Variants in MYO1E observed in about 807,000 individuals in gnomAD.
MYO1E encodes unconventional myosin-Ie.
MYO1E carries 68 observed loss-of-function variants against 151.1 expected under a neutral mutation model. The observed-to-expected ratio is 0.45, with a 90% CI of 0.37 to 0.55. MYO1E has a LOEUF of 0.55. Ranked by LOEUF, MYO1E falls within the 20% of genes least tolerant of loss-of-function variation. The probability of loss-of-function intolerance (pLI) is 0.00; values close to 1 mark genes in which losing one functional copy is unlikely to be tolerated. For synonymous variants in MYO1E, 601 were observed against 501.7 expected (o/e 1.20, Z -2.64); for missense variants, 1,363 against 1,389.3 (o/e 0.98, Z 0.30).
At chr15:59,240,897 C>G (rs1399224092) in intron 4 of MYO1E, among the ~76,000 whole-genome samples, 1 of 152,232 alleles carries the variant, frequency 6.6e-6, no homozygotes, top group African/African-American at 2.4e-5. Flanking sequence ...GTGTGTTAAG[C>G]CGAAGGCCAG....
rs868655839 is a variant in MYO1E, at chr15:59,138,411, G to A, written c.3081-44C>T. On this transcript the variant is annotated intron_variant, in intron 26 of 27. Coordinates refer to ENST00000288235, the MANE Select transcript of MYO1E (RefSeq NM_004998.4). ...AGATGAGACTGGGCCCCAACAGGGG[G>A]CAGCAGCACCGAACGGTGGTTTGGA... is the stretch of plus-strand genomic sequence containing the variant. 39 of 1,606,758 alleles carry A rather than the reference G, an allele frequency of 2.4e-5. 2 individuals carry two copies. The Middle Eastern group carries it at 3.8e-3, about 155-fold the overall frequency.
At chr15:59,219,015 C>A (rs1283479293) in intron 9 of MYO1E, among the ~76,000 whole-genome samples, 1 of 151,986 alleles carries the variant, frequency 6.6e-6, no homozygotes, top group Non-Finnish European at 1.5e-5. Context: ...CAAAAGGGGG[C>A]CTGATGGCTA....
At chr15:59,164,114 G>T (rs1472141140) in intron 22 of MYO1E, among the ~76,000 whole-genome samples, 2 of 152,228 alleles carry the variant, frequency 1.3e-5, no homozygotes, top group African/African-American at 4.8e-5. Flanking sequence ...AACGCTTGCT[G>T]GTCAGGGGAG....
chr15:59,144,194 TCTCA>T (rs755614272), intron 26 of MYO1E, among the ~76,000 whole-genome samples: 73 of 152,010 alleles, frequency 4.8e-4, no homozygotes, highest in Non-Finnish European at 1.0e-3. Flanking sequence ...TGAGACTGAG[TCTCA>T]CTCTATGACG....
chr15:59,267,737 G>A (rs566446985), intron 2 of MYO1E, among the ~76,000 whole-genome samples: 2 of 152,342 alleles, frequency 1.3e-5, no homozygotes, highest in East Asian at 1.9e-4. Context: ...CGGCCAAGTG[G>A]TCAGAAGTGC....
At chr15:59,149,049 TTTG>T (rs1241023057) in intron 26 of MYO1E, among the ~76,000 whole-genome samples, 5 of 55,900 alleles carry the variant, frequency 8.9e-5, no homozygotes, top group Admixed American at 2.4e-4. Flanking sequence ...TTTTTTTTTT[TTTG>T]TTTTTTTTTT....
intron 1 of MYO1E, among the ~76,000 whole-genome samples, chr15:59,278,559 A>G (rs1163168142): frequency 6.6e-6 from 1 of 152,240 alleles, no homozygotes; most frequent in African/African-American, 2.4e-5. Context: ...CTGGGCTTGC[A>G]AACTGGTCTA....
intron 26 of MYO1E, among the ~76,000 whole-genome samples, chr15:59,139,862 C>A (rs1474844375): frequency 6.6e-6 from 1 of 150,728 alleles, no homozygotes; most frequent in East Asian, 1.9e-4. Context: ...CCTCCCACCC[C>A]CTCATTATTA....
intron 25 of MYO1E, among the ~76,000 whole-genome samples, chr15:59,156,632 A>G (rs1380198515): frequency 6.6e-6 from 1 of 152,236 alleles, no homozygotes; most frequent in Non-Finnish European, 1.5e-5. Flanking sequence ...ACCAGCCTCA[A>G]GAAATGCTTT....
At chr15:59,296,294 A>G (rs1312533188) in intron 1 of MYO1E, among the ~76,000 whole-genome samples, 1 of 152,196 alleles carries the variant, frequency 6.6e-6, no homozygotes, top group African/African-American at 2.4e-5. Flanking sequence ...CATCATAAGG[A>G]TATTCAGAAC....
At chr15:59,283,792 T>G (rs1249848075) in intron 1 of MYO1E, among the ~76,000 whole-genome samples, 1 of 152,196 alleles carries the variant, frequency 6.6e-6, no homozygotes, top group Non-Finnish European at 1.5e-5. Context: ...ATCTTTGCCC[T>G]TAAACATTGT....
intron 22 of MYO1E, among the ~76,000 whole-genome samples, chr15:59,171,032 G>A (rs138071171): frequency 1.3e-5 from 2 of 152,250 alleles, no homozygotes; most frequent in African/African-American, 4.8e-5. Context: ...AGAGGCCCAG[G>A]GACACGATTC....
At position 59,341,025 on chromosome 15, in the gene MYO1E, AAAAAAAAAAG is replaced by A. The variant is rs1305200477; in HGVS notation, c.3+31463_3+31472del. ...GAGCGAGACTCCATCTCAAAAAAAA[AAAAAAAAAAG>A]AAAAAAAAGAAAAAAAGAAAAATCT... On this transcript the variant is annotated intron_variant, in intron 1 of 27. Transcript: ENST00000288235. 6.6e-3 allele frequency among the ~76,000 whole-genome samples: 996 copies of A among 150,840 alleles called. 3 individuals are homozygous for A. The highest frequency in any genetic ancestry group is 0.022 in the African/African-American group (878 of 40,726).
rs188089190 is a variant in MYO1E at position 59,323,726 on chromosome 15, A to T, written c.3+48772T>A. Among the ~76,000 whole-genome samples, 86 of 152,148 alleles carry T rather than the reference A, an allele frequency of 5.7e-4. 1 individual carries two copies. The highest frequency in any genetic ancestry group is 2.0e-3 in the African/African-American group (85 of 41,536). On this transcript the variant is annotated intron_variant, in intron 1 of 27. Coordinates refer to ENST00000288235, the MANE Select transcript of MYO1E (RefSeq NM_004998.4). ...GTGCATTTGTCTGATGACTGCACTG[A>T]TGTTGCTGTGTGCTACAGGGCCCCA...
At chr15:59,263,937 C>G (rs73424956) in intron 2 of MYO1E, among the ~76,000 whole-genome samples, 4 of 152,074 alleles carry the variant, frequency 2.6e-5, no homozygotes, top group African/African-American at 9.7e-5. Context: ...GCAGGTAAGA[C>G]GTCCATGATG....
intron 1 of MYO1E, among the ~76,000 whole-genome samples, chr15:59,316,105 A>C (rs1238458499): frequency 1.3e-5 from 2 of 152,206 alleles, no homozygotes; most frequent in Non-Finnish European, 2.9e-5. Context: ...TCAAACCATC[A>C]AACCTCCACT....
intron 25 of MYO1E, among the ~76,000 whole-genome samples, chr15:59,156,680 T>C (rs899225311): frequency 2.0e-5 from 3 of 152,234 alleles, no homozygotes; most frequent in Admixed American, 6.5e-5. Context: ...AATAGAATTC[T>C]CTTGGCTGGG....
rs551197498 is a variant in MYO1E, at chr15:59,158,438, T to C, written c.2786-59A>G. 4 of 1,356,754 alleles carry C rather than the reference T, an allele frequency of 2.9e-6. No individual in the cohort carries two copies. The Admixed American group carries it at 5.9e-5, about 20-fold the overall frequency. The allele number at this position is 1,356,754 out of a possible 1,614,324, so 84.0% of individuals were successfully genotyped here. A position where few individuals can be genotyped will look rare whatever the true frequency, so the allele number is the denominator to read the frequency against. ...TACTGGTTGGTTTTATGGATCCTCA[T>C]GGTTCTTTGCATATGGAAAATTTTT... On this transcript the variant is annotated intron_variant, in intron 24 of 27. Coordinates refer to ENST00000288235, the MANE Select transcript of MYO1E (RefSeq NM_004998.4).
chr15:59,190,896 G>C (rs1224859665), intron 17 of MYO1E, among the ~76,000 whole-genome samples: 1 of 152,134 alleles, frequency 6.6e-6, no homozygotes, highest in East Asian at 1.9e-4. Flanking sequence ...GGGCCTGGAG[G>C]GGCGAGTTGA....
Sources: allele counts gnomAD v4.1 joint callset (sites outside exome capture counted in the v4.1 genomes callset), GRCh38; gene constraint gnomAD v4.1.1; transcripts MANE v1.5; gene names NCBI Gene and HGNC (gene_info 2026-07-23, HGNC 2026-07-21).